The following NEGR1 variants were observed in gnomAD, a reference collection of about 807,000 sequenced individuals.
NEGR1 encodes the protein IgLON family member 4.
In NEGR1, 10 loss-of-function variants were observed where a neutral mutation model predicts 40.9. The observed-to-expected ratio is 0.24, with a 90% CI of 0.15 to 0.42. The LOEUF (loss-of-function observed/expected upper bound fraction) is 0.42. NEGR1 is among the 10% of genes least tolerant of loss of function. NEGR1 has a pLI of 1.00. For missense variants in NEGR1, 352 were observed against 438.9 expected (o/e 0.80, Z 1.77); for synonymous variants, 185 against 166.8 (o/e 1.11, Z -0.84).
chr1:71,417,249 T>C (rs1165111374), intron 6 of NEGR1, among the ~76,000 whole-genome samples: 1 of 152,240 alleles, frequency 6.6e-6, no homozygotes, highest in Non-Finnish European at 1.5e-5. Context: ...AATTTACTTT[T>C]ATATGACTCA....
chr1:72,030,446 G>C (rs906259349), intron 1 of NEGR1, among the ~76,000 whole-genome samples: 1 of 152,044 alleles, frequency 6.6e-6, no homozygotes, highest in Non-Finnish European at 1.5e-5. Context: ...CTATGGGTAG[G>C]CATATTTAAA....
intron 6 of NEGR1, among the ~76,000 whole-genome samples, chr1:71,465,575 C>T (rs768181684): frequency 6.6e-6 from 1 of 151,986 alleles, no homozygotes; most frequent in South Asian, 2.1e-4. Flanking sequence ...AAACTTGGGT[C>T]TCCATGAACC....
At chr1:72,019,160 C>T (rs921977859) in intron 1 of NEGR1, among the ~76,000 whole-genome samples, 3 of 152,100 alleles carry the variant, frequency 2.0e-5, no homozygotes, top group African/African-American at 7.2e-5. Flanking sequence ...TGAATGGCGG[C>T]CCTGTGCTCA....
Position 72,273,177 on chromosome 1 carries a change from C to G in NEGR1, c.176+9142G>C, listed in dbSNP as rs1319662622. ...TTTATAAAGTACTGCTGACCTACCTCTAGGAGATGGTTAAAATGATACAAA... is the reference window on the plus strand; with the variant it reads ...TTTATAAAGTACTGCTGACCTACCTGTAGGAGATGGTTAAAATGATACAAA... On this transcript the variant is annotated intron_variant, in intron 1 of 6. Coordinates refer to ENST00000357731, the MANE Select transcript of NEGR1 (RefSeq NM_173808.3). Among the ~76,000 whole-genome samples the G allele has an allele frequency of 1.3e-5, 2 of 151,962 alleles. 1 individual carries two copies. The highest frequency in any genetic ancestry group is 4.1e-4 in the South Asian group (2 of 4,830).
At chr1:71,907,766 G>A (rs1661317239) in intron 2 of NEGR1, among the ~76,000 whole-genome samples, 1 of 152,080 alleles carries the variant, frequency 6.6e-6, no homozygotes, top group Non-Finnish European at 1.5e-5. Context: ...CCCATCAATG[G>A]TGGACTGCAT....
intron 4 of NEGR1, among the ~76,000 whole-genome samples, chr1:71,675,014 C>T (rs1570184518): frequency 6.7e-6 from 1 of 149,444 alleles, no homozygotes; most frequent in African/African-American, 2.4e-5. Flanking sequence ...TGAATATATA[C>T]CAGATGTTGT....
intron 1 of NEGR1, among the ~76,000 whole-genome samples, chr1:72,273,956 C>T (rs1655946107): frequency 6.6e-6 from 1 of 151,110 alleles, no homozygotes; most frequent in South Asian, 2.1e-4. Context: ...CTAGGGATAG[C>T]TGAATGAGCA....
At chr1:71,614,899 T>C (rs533519112) in intron 4 of NEGR1, among the ~76,000 whole-genome samples, 2 of 152,308 alleles carry the variant, frequency 1.3e-5, no homozygotes, top group African/African-American at 4.8e-5. Context: ...GATCCTGTTA[T>C]CTAGGGCTTC....
intron 2 of NEGR1, among the ~76,000 whole-genome samples, chr1:71,904,400 T>C (rs1333199445): frequency 1.3e-5 from 2 of 152,118 alleles, no homozygotes; most frequent in Non-Finnish European, 2.9e-5. Context: ...TGCTTTATGA[T>C]ACTATACATC....
At chr1:71,749,341 C>A (rs1269507338) in intron 3 of NEGR1, among the ~76,000 whole-genome samples, 1 of 152,096 alleles carries the variant, frequency 6.6e-6, no homozygotes, top group Non-Finnish European at 1.5e-5. Flanking sequence ...ACAATGGTGT[C>A]TCTTAATATT....
intron 1 of NEGR1, among the ~76,000 whole-genome samples, chr1:72,038,225 G>C (rs12726837): frequency 2.2e-4 from 34 of 152,118 alleles, no homozygotes; most frequent in African/African-American, 7.7e-4. Flanking sequence ...TTGCACATAC[G>C]ATTAGGTCAT....
At chr1:71,657,831 A>G (rs1419933984) in intron 4 of NEGR1, among the ~76,000 whole-genome samples, 1 of 152,224 alleles carries the variant, frequency 6.6e-6, no homozygotes, top group African/African-American at 2.4e-5. Flanking sequence ...TAATACAGAA[A>G]AGAAATGTTT....
chr1:71,654,027 A>T (rs1469550694), intron 4 of NEGR1, among the ~76,000 whole-genome samples: 12 of 152,172 alleles, frequency 7.9e-5, no homozygotes, highest in Admixed American at 7.9e-4. Flanking sequence ...GAGATGAGCT[A>T]TGAAGGTATA....
intron 2 of NEGR1, among the ~76,000 whole-genome samples, chr1:71,920,289 C>T (rs768028997): frequency 1.7e-4 from 26 of 152,244 alleles, no homozygotes; most frequent in Non-Finnish European, 3.1e-4. Flanking sequence ...CAAGACAATG[C>T]GAGTTTATAC....
At chr1:71,822,737 G>A (rs1194842663) in intron 2 of NEGR1, among the ~76,000 whole-genome samples, 1 of 151,912 alleles carries the variant, frequency 6.6e-6, no homozygotes, top group African/African-American at 2.4e-5. Flanking sequence ...GCCTGCCTTG[G>A]CCAGTTCCAC....
intron 1 of NEGR1, among the ~76,000 whole-genome samples, chr1:72,281,376 T>C (rs993922123): frequency 2.0e-5 from 3 of 152,170 alleles, no homozygotes; most frequent in East Asian, 3.8e-4. Context: ...AAGTGGTTCT[T>C]ACAGCATGGA....
At chr1:71,478,078 G>C (rs1470162142) in intron 6 of NEGR1, among the ~76,000 whole-genome samples, 1 of 152,024 alleles carries the variant, frequency 6.6e-6, no homozygotes, top group South Asian at 2.1e-4. Context: ...TTCCCAAGAT[G>C]AATATATGTC....
chr1:71,714,259 A>G (rs946057963), intron 3 of NEGR1, among the ~76,000 whole-genome samples: 6 of 152,154 alleles, frequency 3.9e-5, no homozygotes, highest in Non-Finnish European at 5.9e-5. Context: ...CATCCCCATG[A>G]TTCAATTACC....
chr1:71,697,871 A>G (rs546408944), intron 4 of NEGR1, 137 bp downstream of exon 4: 458 of 721,172 alleles, frequency 6.4e-4, no homozygotes, highest in Non-Finnish European at 8.9e-4. Flanking sequence ...TTCAACATCT[A>G]CACGTCTTCA....
Sources: allele counts gnomAD v4.1 joint callset (sites outside exome capture counted in the v4.1 genomes callset), GRCh38; gene constraint gnomAD v4.1.1; transcripts MANE v1.5; gene names NCBI Gene and HGNC (gene_info 2026-07-23, HGNC 2026-07-21).